Variants in CHMP4C observed in about 807,000 individuals in gnomAD.
CHMP4C encodes SNF7 homolog associated with Alix 3.
CHMP4C carries 28 observed loss-of-function variants against 29.0 expected under a neutral mutation model. That is an observed-to-expected ratio of 0.97 (90% confidence interval 0.72 to 1.32). CHMP4C has a LOEUF of 1.32. Ranked by LOEUF, CHMP4C falls within the 40% of genes most tolerant of loss-of-function variation. CHMP4C has a pLI of 0.00. For synonymous variants in CHMP4C, 106 were observed against 102.4 expected, an observed-to-expected ratio of 1.04 and a Z score of -0.21; for missense variants, 291 against 281.0, an observed-to-expected ratio of 1.04 and a Z score of -0.25.
Position 81,733,431 on chromosome 8 carries a change from C to T in CHMP4C, c.190+615C>T, listed in dbSNP as rs185018618. On this transcript the variant is annotated intron_variant, in intron 1 of 4. Transcript: ENST00000297265. ...ATTAAATTACACATTTTAACTTGCA[C>T]GTAAATCTTCAGAAAAGGATATTCT... Among the ~76,000 whole-genome samples, 134 of 151,782 alleles carry T rather than the reference C, an allele frequency of 8.8e-4. 2 individuals carry two copies. Among genetic ancestry groups the T allele is most frequent in the African/African-American group, 3.0e-3 (125 of 41,366 alleles).
chr8:81,744,388 T>C (rs1438087967), intron 1 of CHMP4C, among the ~76,000 whole-genome samples: 1 of 152,212 alleles, frequency 6.6e-6, no homozygotes, highest in Non-Finnish European at 1.5e-5. Flanking sequence ...ATGTTCTTTA[T>C]TTATCAATGT....
At chr8:81,742,305 G>A (rs996549290) in intron 1 of CHMP4C, among the ~76,000 whole-genome samples, 1 of 152,108 alleles carries the variant, frequency 6.6e-6, no homozygotes, top group Non-Finnish European at 1.5e-5. Context: ...AAAAAAGCAA[G>A]CAAACGAGAA....
intron 1 of CHMP4C, among the ~76,000 whole-genome samples, chr8:81,750,387 G>T (rs903594563): frequency 6.6e-6 from 1 of 151,666 alleles, no homozygotes. Context: ...GATTGCTTGA[G>T]GCCAGGAATT....
At position 81,732,797 on chromosome 8, in the gene CHMP4C, C is replaced by T. The variant is rs752608662; in HGVS notation, c.171C>T (p.His57=). The T allele has an allele frequency of 2.5e-6, 4 of 1,612,036 alleles. No homozygotes were observed. In the Admixed American group the frequency reaches 6.7e-5, roughly 27 times the overall value. ...IQREIALAKK[H]GTQNKRAALQ... Reference sequence around the variant, plus strand: ...GAGAAATCGCCCTGGCCAAGAAGCACGGCACGCAGAATAAGCGAGGTAGGC... The same window carrying T: ...GAGAAATCGCCCTGGCCAAGAAGCATGGCACGCAGAATAAGCGAGGTAGGC... Residue 57 remains histidine, a synonymous_variant, in exon 1 of 5, where the codon CAC becomes CAT. Coordinates refer to ENST00000297265, the MANE Select transcript of CHMP4C (RefSeq NM_152284.4).
In CHMP4C at chr8:81,755,553, T is replaced by C. The variant is rs1808961836; in HGVS notation, c.483+69T>C. ...AAGAGTAGCTTCCTGTCATATATAG[T>C]AGGCATGTTCCCTTACTACTGAAAG... is the stretch of plus-strand genomic sequence containing the variant. On this transcript the variant is annotated intron_variant, in intron 3 of 4. Transcript: ENST00000297265. The C allele has an allele frequency of 8.4e-6, 7 of 831,960 alleles. No homozygotes were observed. In the East Asian group the frequency reaches 1.5e-4, roughly 18 times the overall value. The allele number at this position is 831,960 out of a possible 1,614,324, so 51.5% of individuals were successfully genotyped here.
At chr8:81,743,657 G>A (rs899204820) in intron 1 of CHMP4C, among the ~76,000 whole-genome samples, 1 of 152,132 alleles carries the variant, frequency 6.6e-6, no homozygotes, top group Non-Finnish European at 1.5e-5. Flanking sequence ...AGTCTTTTAT[G>A]CAAGCATTTC....
intron 1 of CHMP4C, among the ~76,000 whole-genome samples, chr8:81,748,463 G>A (rs959452007): frequency 1.1e-4 from 16 of 152,138 alleles, no homozygotes; most frequent in Non-Finnish European, 1.9e-4. Context: ...GTAAAGACAG[G>A]CATAATAAAT....
intron 1 of CHMP4C, among the ~76,000 whole-genome samples, chr8:81,742,097 A>G (rs925278464): frequency 2.2e-4 from 34 of 152,216 alleles, no homozygotes; most frequent in Non-Finnish European, 4.1e-4. Flanking sequence ...AGTAAGAGCT[A>G]TTATACCTAG....
intron 3 of CHMP4C, 60 bp downstream of exon 3, chr8:81,755,544 C>G: frequency 2.1e-6 from 2 of 935,880 alleles, no homozygotes; most frequent in Non-Finnish European, 3.5e-6. Context: ...AGCTTCCTGT[C>G]ATATATAGTA....
chr8:81,738,362 T>C (rs1808720206), intron 1 of CHMP4C, among the ~76,000 whole-genome samples: 1 of 152,202 alleles, frequency 6.6e-6, no homozygotes, highest in Non-Finnish European at 1.5e-5. Context: ...AGGTGTCTGT[T>C]TGGAGAAGTG....
chr8:81,751,199 C>T (rs1006266769), intron 1 of CHMP4C, among the ~76,000 whole-genome samples: 1 of 151,792 alleles, frequency 6.6e-6, no homozygotes, highest in Admixed American at 6.6e-5. Context: ...AAGTTTTACT[C>T]CAGTAAAATA....
intron 1 of CHMP4C, among the ~76,000 whole-genome samples, chr8:81,735,327 T>C (rs752488694): frequency 6.6e-6 from 1 of 152,224 alleles, no homozygotes; most frequent in Non-Finnish European, 1.5e-5. Context: ...ATCTGTAATC[T>C]AAGCTATGGA....
chr8:81,732,488 C>G lies in CHMP4C; in HGVS notation c.-139C>G. On this transcript the variant is annotated 5_prime_UTR_variant, in exon 1 of 5. Transcript: ENST00000297265. Reference sequence around the variant, plus strand: ...TGGAGTGTGTGTCACCTGTCCAGGACGACTTGTTGATTCCCAGGAGGGCCG... The same window carrying G: ...TGGAGTGTGTGTCACCTGTCCAGGAGGACTTGTTGATTCCCAGGAGGGCCG... 1.6e-6 allele frequency: 1 copy of G among 619,094 alleles called. No homozygotes were observed. Among genetic ancestry groups the G allele is most frequent in the Admixed American group, 3.0e-5 (1 of 33,386 alleles). 38.4% of individuals were successfully genotyped at this position (619,094 alleles called of 1,614,324 possible).
In CHMP4C at chr8:81,758,981, A is replaced by T. The variant is rs1809007142; in HGVS notation, c.*437A>T. 1 of 150,112 alleles carries T rather than the reference A, an allele frequency of 6.7e-6. No individual in the cohort carries two copies. The highest frequency in any genetic ancestry group is 1.5e-5 in the Non-Finnish European group (1 of 67,906). The allele number at this position is 150,112 out of a possible 1,614,324, so 9.3% of individuals were successfully genotyped here. A position where few individuals can be genotyped will look rare whatever the true frequency, so the allele number is the denominator to read the frequency against. ...ATGCCACTGCACTCCAGACTGGGCA[A>T]CAGAGGGAGACTCCGTCTCAAAAAC... On this transcript the variant is annotated 3_prime_UTR_variant, in exon 5 of 5. Transcript: ENST00000297265.
Position 81,732,561 on chromosome 8 carries a change from C to G in CHMP4C, c.-66C>G. On this transcript the variant is annotated 5_prime_UTR_variant, in exon 1 of 5. Coordinates refer to ENST00000297265, the MANE Select transcript of CHMP4C (RefSeq NM_152284.4). The stretch of plus-strand genomic sequence containing the variant: ...GAGGACTGCCTTGCTCACCTGTCCC[C>G]TCGGCGCGGCCCCGGGGAGCTCCCG... 2 of 1,305,380 alleles carry G rather than the reference C, an allele frequency of 1.5e-6. No homozygotes were observed. Among genetic ancestry groups the G allele is most frequent in the Non-Finnish European group, 2.1e-6 (2 of 962,282 alleles). The allele number at this position is 1,305,380 out of a possible 1,614,324, so 80.9% of individuals were successfully genotyped here. A position where few individuals can be genotyped will look rare whatever the true frequency, so the allele number is the denominator to read the frequency against.
chr8:81,758,280 C>G lies in CHMP4C; in HGVS notation c.622C>G (p.Arg208Gly), dbSNP rs748559807. Reference sequence around the variant, plus strand: ...AAAACCAGGCATGTCGTCCACTGCACGTCGATCCCGAGCAGGTCTGTTACC... The same window carrying G: ...AAAACCAGGCATGTCGTCCACTGCAGGTCGATCCCGAGCAGGTCTGTTACC... ...NRKPGMSSTARRSRAASSQRA... is the reference protein window; with the variant it reads ...NRKPGMSSTAGRSRAASSQRA... The change falls in exon 4 of 5, where the codon CGT becomes GGT. Residue 208 changes from arginine to glycine, a missense_variant. By Grantham distance (125) the Arg-to-Gly change is moderately radical. Coordinates refer to ENST00000297265, the MANE Select transcript of CHMP4C (RefSeq NM_152284.4). The G allele has an allele frequency of 6.2e-7, 1 of 1,614,004 alleles. No homozygotes were observed. The highest frequency in any genetic ancestry group is 1.1e-5 in the South Asian group (1 of 91,076).
At chr8:81,741,163 CTA>C (rs1808758345) in intron 1 of CHMP4C, among the ~76,000 whole-genome samples, 1 of 151,870 alleles carries the variant, frequency 6.6e-6, no homozygotes, top group Admixed American at 6.6e-5. Flanking sequence ...AATATTACAT[CTA>C]GTTTTTTTTC....
chr8:81,745,544 A>G (rs1308909715), intron 1 of CHMP4C, among the ~76,000 whole-genome samples: 1 of 152,228 alleles, frequency 6.6e-6, no homozygotes, highest in African/African-American at 2.4e-5. Context: ...AGTTTAAATT[A>G]TTTGGCATAA....
rs974998162 is a variant in CHMP4C, at chr8:81,758,815, A to G, written c.*271A>G. 7.1e-5 allele frequency: 23 copies of G among 325,770 alleles called. No homozygotes were observed. Among genetic ancestry groups the G allele is most frequent in the Middle Eastern group, 9.4e-4 (1 of 1,060 alleles). The allele number at this position is 325,770 out of a possible 1,614,324, so 20.2% of individuals were successfully genotyped here. On this transcript the variant is annotated 3_prime_UTR_variant, in exon 5 of 5. Coordinates refer to ENST00000297265, the MANE Select transcript of CHMP4C (RefSeq NM_152284.4). ...CAGGAGTTCGAGTCCAGCCTGACCA[A>G]CATGAAGAAACCCTGTCTGTACTAA... is the stretch of plus-strand genomic sequence containing the variant.
Sources: allele counts gnomAD v4.1 joint callset (sites outside exome capture counted in the v4.1 genomes callset), GRCh38; gene constraint gnomAD v4.1.1; transcripts MANE v1.5; gene names NCBI Gene and HGNC (gene_info 2026-07-23, HGNC 2026-07-21).